The following TSHZ2 variants were observed in gnomAD, a reference collection of about 807,000 sequenced individuals.
TSHZ2 encodes teashirt homolog 2.
TSHZ2 carries 21 observed loss-of-function variants against 74.4 expected under a neutral mutation model. The observed-to-expected ratio is 0.28, with a 90% CI of 0.20 to 0.41. The LOEUF is 0.41. Among genes scored for constraint, TSHZ2 ranks in the 10% least tolerant of loss-of-function variants. TSHZ2 has a pLI of 1.00. For missense variants in TSHZ2, 1,244 were observed against 1,293.5 expected, an observed-to-expected ratio of 0.96 and a Z score of 0.59; for synonymous variants, 540 against 515.3, an observed-to-expected ratio of 1.05 and a Z score of -0.65.
At chr20:53,390,769 G>A (rs900832207) in intron 2 of TSHZ2, among the ~76,000 whole-genome samples, 13 of 152,180 alleles carry the variant, frequency 8.5e-5, no homozygotes, top group African/African-American at 2.4e-5. Context: ...CCCACCAACA[G>A]TGTGAAAGCA....
chr20:53,128,500 T>C (rs1051932020), intron 1 of TSHZ2, among the ~76,000 whole-genome samples: 2 of 152,238 alleles, frequency 1.3e-5, no homozygotes, highest in South Asian at 4.1e-4. Flanking sequence ...TGATGATAGA[T>C]AATTGCTTAC....
intron 1 of TSHZ2, among the ~76,000 whole-genome samples, chr20:52,992,547 G>A (rs909571329): frequency 6.6e-6 from 1 of 152,092 alleles, no homozygotes; most frequent in Non-Finnish European, 1.5e-5. Flanking sequence ...AAGATCAGCA[G>A]GGCAGCCCTT....
At chr20:53,171,547 GTT>G (rs34176657) in intron 1 of TSHZ2, among the ~76,000 whole-genome samples, 9 of 149,904 alleles carry the variant, frequency 6.0e-5, no homozygotes, top group East Asian at 2.0e-4. Context: ...CCTTCTAAAT[GTT>G]TTTTTTTTCC....
intron 1 of TSHZ2, among the ~76,000 whole-genome samples, chr20:53,218,834 G>A (rs1259481870): frequency 2.0e-5 from 3 of 152,138 alleles, no homozygotes; most frequent in Non-Finnish European, 4.4e-5. Flanking sequence ...CATATTTATT[G>A]AACAATTTAG....
chr20:53,306,261 C>G (rs536595727), intron 2 of TSHZ2, among the ~76,000 whole-genome samples: 2 of 152,316 alleles, frequency 1.3e-5, no homozygotes, highest in African/African-American at 4.8e-5. Flanking sequence ...AAAGCAAACA[C>G]TTTCTTGGAC....
Position 53,390,837 on chromosome 20 carries a change from A to T in TSHZ2, c.*9-96307A>T, listed in dbSNP as rs1167355759. Among the ~76,000 whole-genome samples the T allele has an allele frequency of 2.0e-5, 3 of 152,306 alleles. No individual in the cohort carries two copies. The East Asian group carries it at 5.8e-4, about 29-fold the overall frequency. ...TTGTTTCTTGACTTTTTAATGATCG[A>T]CATTCTAACTGGCATGAGATAGTAT... On this transcript the variant is annotated intron_variant, in intron 2 of 2. Transcript: ENST00000371497.
chr20:53,236,908 C>G (rs1403597987), intron 1 of TSHZ2, among the ~76,000 whole-genome samples: 1 of 152,144 alleles, frequency 6.6e-6, no homozygotes, highest in Non-Finnish European at 1.5e-5. Flanking sequence ...GGGGAACTGC[C>G]CCCATAATCT....
At position 53,298,598 on chromosome 20, in the gene TSHZ2, G is replaced by A. The variant is rs186145474; in HGVS notation, c.*8+42027G>A. ...GGGGGATAGTACTGAGGCAGGGAGC[G>A]GGAGGTTGGCTTGCTGTGCAGAAGC... On this transcript the variant is annotated intron_variant, in intron 2 of 2. Transcript: ENST00000371497. Among the ~76,000 whole-genome samples the A allele has an allele frequency of 7.0e-4, 106 of 152,300 alleles. 1 individual carries two copies. In the East Asian group the frequency reaches 0.013, roughly 19 times the overall value.
intron 1 of TSHZ2, among the ~76,000 whole-genome samples, chr20:53,227,679 C>G (rs1018073530): frequency 2.0e-5 from 3 of 152,172 alleles, no homozygotes; most frequent in African/African-American, 7.2e-5. Context: ...AGCTGCCCTA[C>G]AGCATTGCAA....
intron 2 of TSHZ2, chr20:53,455,554 A>C (rs1218501492): frequency 6.6e-6 from 1 of 151,498 alleles, no homozygotes; most frequent in African/African-American, 2.4e-5. Flanking sequence ...GCAGTTGAAT[A>C]TGTTTTTCTT....
intron 2 of TSHZ2, among the ~76,000 whole-genome samples, chr20:53,322,102 C>T (rs749364847): frequency 4.6e-5 from 7 of 152,152 alleles, no homozygotes; most frequent in Non-Finnish European, 1.0e-4. Flanking sequence ...AAAGGACAAC[C>T]TCTCTGGGAC....
intron 1 of TSHZ2, among the ~76,000 whole-genome samples, chr20:53,190,103 A>C: frequency 1.7e-5 from 1 of 59,066 alleles, no homozygotes; most frequent in East Asian, 6.2e-4. Context: ...ATATATATAT[A>C]TATATATATA....
rs138990666 is a variant in TSHZ2 at position 53,311,964 on chromosome 20, C to T, written c.*8+55393C>T. Among the ~76,000 whole-genome samples the T allele has an allele frequency of 9.6e-4, 146 of 152,204 alleles. 1 individual carries two copies. The highest frequency in any genetic ancestry group is 1.7e-3 in the Non-Finnish European group (113 of 68,010). On this transcript the variant is annotated intron_variant, in intron 2 of 2. Coordinates refer to ENST00000371497, the MANE Select transcript of TSHZ2 (RefSeq NM_173485.6). Reference sequence around the variant, plus strand: ...GGTATGGTGGCACATGCCTGTAGTCCTAGCTACTCATGAGGCTGAGGTGGG... The same window carrying T: ...GGTATGGTGGCACATGCCTGTAGTCTTAGCTACTCATGAGGCTGAGGTGGG...
chr20:53,395,879 A>C (rs1383622214), intron 2 of TSHZ2, among the ~76,000 whole-genome samples: 1 of 152,248 alleles, frequency 6.6e-6, no homozygotes, highest in African/African-American at 2.4e-5. Context: ...AATAGCATGC[A>C]ACATGACCTT....
At chr20:53,116,107 A>G (rs968054129) in intron 1 of TSHZ2, among the ~76,000 whole-genome samples, 3 of 152,224 alleles carry the variant, frequency 2.0e-5, no homozygotes, top group African/African-American at 7.2e-5. Context: ...CAGTTTTCTC[A>G]TCTGCAAAAT....
At chr20:52,974,156 G>A (rs1981241329) in intron 1 of TSHZ2, among the ~76,000 whole-genome samples, 1 of 151,952 alleles carries the variant, frequency 6.6e-6, no homozygotes, top group Non-Finnish European at 1.5e-5. Context: ...TTGCTTAATT[G>A]CTTTTTTAAT....
chr20:53,072,763 T>C (rs999609090), intron 1 of TSHZ2, among the ~76,000 whole-genome samples: 2 of 152,196 alleles, frequency 1.3e-5, no homozygotes. Context: ...ATAGAGTCTG[T>C]GAGACTGGAC....
chr20:52,990,571 C>A (rs1269818481), intron 1 of TSHZ2, among the ~76,000 whole-genome samples: 1 of 152,158 alleles, frequency 6.6e-6, no homozygotes, highest in Non-Finnish European at 1.5e-5. Flanking sequence ...CCAGCTACGG[C>A]TTTAGAGATG....
chr20:53,338,870 G>A (rs1011935477), intron 2 of TSHZ2, among the ~76,000 whole-genome samples: 15 of 152,286 alleles, frequency 9.8e-5, no homozygotes, highest in African/African-American at 3.6e-4. Flanking sequence ...AGGGTCAGAT[G>A]AGGCCAGCAC....
Sources: allele counts gnomAD v4.1 joint callset (sites outside exome capture counted in the v4.1 genomes callset), GRCh38; gene constraint gnomAD v4.1.1; transcripts MANE v1.5; gene names NCBI Gene and HGNC (gene_info 2026-07-23, HGNC 2026-07-21).